GCNT1: variants seen among roughly 807,000 people sequenced by gnomAD.
The protein encoded by GCNT1 is glucosaminyl (N-acetyl) transferase 1.
Under a neutral mutation model 26.2 loss-of-function variants are expected in GCNT1, and 16 were observed. That is an observed-to-expected ratio of 0.61 (90% CI 0.41 to 0.93). GCNT1 has a LOEUF of 0.93. GCNT1 is among the 40% of genes least tolerant of loss of function. The pLI is 0.00. For missense variants in GCNT1, 477 were observed against 526.7 expected (o/e 0.91, Z 0.92); for synonymous variants, 183 against 190.8 (o/e 0.96, Z 0.34).
chr9:76,425,395 G>C (rs938911690), intron 1 of GCNT1, among the ~76,000 whole-genome samples: 4 of 151,820 alleles, frequency 2.6e-5, no homozygotes, highest in African/African-American at 9.7e-5. Flanking sequence ...TCTAATTTTT[G>C]TACTTTTAGT....
chr9:76,413,748 T>TGCTGAGC, the GCNT1 span, among the ~76,000 whole-genome samples: 1 of 151,200 alleles, frequency 6.6e-6, no homozygotes, highest in South Asian at 2.1e-4. Flanking sequence ...CTGACATTAA[T>TGCTGAGC]TTGTGGAAAG....
upstream of GCNT1, among the ~76,000 whole-genome samples, chr9:76,439,220 T>A (rs1240798976): frequency 6.9e-6 from 1 of 145,974 alleles, no homozygotes; most frequent in African/African-American, 2.5e-5. Context: ...TTCTTTTCTT[T>A]TTCTTTTTTT....
At chr9:76,424,514 G>A (rs908736682) in intron 1 of GCNT1, among the ~76,000 whole-genome samples, 5 of 152,132 alleles carry the variant, frequency 3.3e-5, no homozygotes, top group Non-Finnish European at 7.4e-5. Context: ...GACTGGTGTC[G>A]GACTTCAGGT....
intron 1 of GCNT1, among the ~76,000 whole-genome samples, chr9:76,432,686 C>T (rs1394255073): frequency 6.6e-6 from 1 of 152,132 alleles, no homozygotes; most frequent in African/African-American, 2.4e-5. Flanking sequence ...AGGAGGCAGT[C>T]AAATGACTAG....
chr9:76,456,129 AGC>A (rs1265046782), upstream of GCNT1, among the ~76,000 whole-genome samples: 2 of 152,108 alleles, frequency 1.3e-5, no homozygotes, highest in African/African-American at 4.8e-5. Context: ...CTGCTTTGTG[AGC>A]CAGGGCTGGG....
At chr9:76,483,807 A>G (rs1824490025) in intron 2 of GCNT1, among the ~76,000 whole-genome samples, 1 of 152,024 alleles carries the variant, frequency 6.6e-6, no homozygotes, top group Admixed American at 6.6e-5. Context: ...CCCCAAAGTC[A>G]ATGATTCTGA....
chr9:76,422,070 A>T (rs1292598395), intron 1 of GCNT1, among the ~76,000 whole-genome samples: 2 of 152,140 alleles, frequency 1.3e-5, no homozygotes, highest in Non-Finnish European at 2.9e-5. Context: ...GAGTGCAAGA[A>T]GGGGAAACAG....
intron 2 of GCNT1, among the ~76,000 whole-genome samples, chr9:76,470,725 C>A (rs527485624): frequency 3.3e-4 from 50 of 151,926 alleles, no homozygotes; most frequent in African/African-American, 1.2e-3. Flanking sequence ...ATCAAAACAT[C>A]ACATTATACC....
At chr9:76,422,502 C>T (rs551896118) in intron 1 of GCNT1, among the ~76,000 whole-genome samples, 11 of 152,264 alleles carry the variant, frequency 7.2e-5, no homozygotes, top group Non-Finnish European at 1.6e-4. Context: ...AGAAACCATA[C>T]TTTGAGTACC....
At chr9:76,468,411 G>A (rs138066960) in intron 2 of GCNT1, among the ~76,000 whole-genome samples, 30 of 152,294 alleles carry the variant, frequency 2.0e-4, no homozygotes, top group Admixed American at 5.2e-4. Flanking sequence ...GTCCCTGAGC[G>A]GGTGATAGGT....
rs1437937472 is a variant in GCNT1, at chr9:76,502,830, A to G, written c.449A>G (p.Tyr150Cys). ...GCCATCTATATGCCTCAGAATTTCTATTGCATTCATGTGGACACAAAATCC... is the reference window on the plus strand; with the variant it reads ...GCCATCTATATGCCTCAGAATTTCTGTTGCATTCATGTGGACACAAAATCC... ...LRAIYMPQNF[Y>C]CIHVDTKSED... is the part of the protein sequence containing the mutation. The change falls in exon 4 of 4, where the codon TAT becomes TGT. Residue 150 changes from tyrosine to cysteine, a missense_variant. Coordinates refer to ENST00000376730, the MANE Select transcript of GCNT1 (RefSeq NM_001490.5). 2.5e-6 allele frequency: 4 copies of G among 1,614,102 alleles called. No individual in the cohort carries two copies. The highest frequency in any genetic ancestry group is 2.2e-5 in the South Asian group (2 of 91,084).
At chr9:76,408,140 G>A in the GCNT1 span, among the ~76,000 whole-genome samples, 11 of 152,078 alleles carry the variant, frequency 7.2e-5, no homozygotes, top group African/African-American at 2.4e-4. Flanking sequence ...TTTCCTTACT[G>A]CATTAGTTAG....
chr9:76,455,690 C>T (rs1226664985), upstream of GCNT1, among the ~76,000 whole-genome samples: 1 of 152,148 alleles, frequency 6.6e-6, no homozygotes, highest in Non-Finnish European at 1.5e-5. Context: ...GAACCTCCGC[C>T]TCCCAGATTC....
intron 2 of GCNT1, among the ~76,000 whole-genome samples, chr9:76,497,389 C>G (rs1265107489): frequency 6.6e-6 from 1 of 152,126 alleles, no homozygotes; most frequent in African/African-American, 2.4e-5. Context: ...CGTTGTATGT[C>G]TTGAAATTAG....
intron 1 of GCNT1, among the ~76,000 whole-genome samples, chr9:76,431,896 G>T (rs1005829534): frequency 3.3e-5 from 5 of 152,118 alleles, no homozygotes; most frequent in African/African-American, 1.2e-4. Flanking sequence ...ATCAATTGAG[G>T]TCAGGAGTTT....
chr9:76,424,994 C>T (rs938669929), intron 1 of GCNT1, among the ~76,000 whole-genome samples: 2 of 151,802 alleles, frequency 1.3e-5, no homozygotes, highest in Non-Finnish European at 2.9e-5. Context: ...AAAAAATTAG[C>T]CAGGCGTGGT....
chr9:76,453,026 T>G (rs1823699224), intron 1 of GCNT1, among the ~76,000 whole-genome samples: 1 of 152,222 alleles, frequency 6.6e-6, no homozygotes, highest in African/African-American at 2.4e-5. Context: ...CAGTCTGCTT[T>G]CAAATGCAAT....
At chr9:76,477,490 C>A (rs540928754) in intron 2 of GCNT1, among the ~76,000 whole-genome samples, 2 of 150,504 alleles carry the variant, frequency 1.3e-5, no homozygotes, top group African/African-American at 4.9e-5. Context: ...CATGCCACTG[C>A]ACTCTAGCCT....
the GCNT1 span, among the ~76,000 whole-genome samples, chr9:76,411,088 A>C: frequency 6.6e-6 from 1 of 152,196 alleles, no homozygotes. Context: ...CTTTACATTT[A>C]ATGTGGGTTT....
Sources: gnomAD v4.1 joint callset for allele counts (sites outside exome capture counted in the v4.1 genomes callset) on GRCh38, gnomAD v4.1.1 for gene constraint, MANE v1.5 for transcripts, NCBI Gene and HGNC (gene_info 2026-07-23, HGNC 2026-07-21) for gene names.